The following RPRD1A variants were observed in gnomAD, a reference collection of about 807,000 sequenced individuals.
RPRD1A encodes the protein regulation of nuclear pre-mRNA domain containing 1A, also known as regulation of nuclear pre-mRNA domain-containing protein 1A.
RPRD1A carries 9 observed loss-of-function variants against 37.8 expected under a neutral mutation model. That is an observed-to-expected ratio of 0.24 (90% CI 0.14 to 0.42). The LOEUF (loss-of-function observed/expected upper bound fraction) is 0.42. Among genes scored for constraint, RPRD1A ranks in the 10% least tolerant of loss-of-function variants. The pLI, the probability that RPRD1A is intolerant of heterozygous loss-of-function variation, is 1.00. For synonymous variants in RPRD1A, 138 were observed against 139.7 expected, an observed-to-expected ratio of 0.99 and a Z score of 0.08; for missense variants, 255 against 371.0, an observed-to-expected ratio of 0.69 and a Z score of 2.57.
intron 1 of RPRD1A, among the ~76,000 whole-genome samples, chr18:36,047,977 G>A (rs1306527829): frequency 6.6e-6 from 1 of 151,438 alleles, no homozygotes; most frequent in Non-Finnish European, 1.5e-5. Flanking sequence ...TTAGTGCTAT[G>A]GTACTCTGAT....
At chr18:36,042,808 C>T (rs1425647299) in intron 1 of RPRD1A, among the ~76,000 whole-genome samples, 1 of 152,168 alleles carries the variant, frequency 6.6e-6, no homozygotes, top group Non-Finnish European at 1.5e-5. Flanking sequence ...GGTGAGATGA[C>T]CAAATTTAGA....
At chr18:36,043,838 T>G (rs199694410) in intron 1 of RPRD1A, among the ~76,000 whole-genome samples, 1 of 152,180 alleles carries the variant, frequency 6.6e-6, no homozygotes, top group African/African-American at 2.4e-5. Context: ...TAAAGTACAG[T>G]TGACCCTTCA....
chr18:36,020,012 C>A (rs540376550), intron 6 of RPRD1A, among the ~76,000 whole-genome samples: 2 of 152,158 alleles, frequency 1.3e-5, no homozygotes, highest in South Asian at 2.1e-4. Flanking sequence ...TGCAGTCCAG[C>A]CTGGGTGAGA....
intron 2 of RPRD1A, 45 bp downstream of exon 2, chr18:36,033,663 G>A: frequency 6.6e-7 from 1 of 1,516,922 alleles, no homozygotes; most frequent in Non-Finnish European, 8.9e-7. Flanking sequence ...AGGACATATG[G>A]TACATTTAAA....
intron 6 of RPRD1A, chr18:36,025,708 A>G: frequency 1.7e-6 from 2 of 1,209,160 alleles, no homozygotes; most frequent in Non-Finnish European, 2.2e-6. Flanking sequence ...GAAGTTAAAG[A>G]AACCATACTA....
intron 1 of RPRD1A, among the ~76,000 whole-genome samples, chr18:36,062,776 AGGGTTGGGAGAGAT>A (rs2088942521): frequency 6.6e-6 from 1 of 152,328 alleles, no homozygotes; most frequent in South Asian, 2.1e-4. Context: ...GCAGTTGCCT[AGGGTTGGGAGAGAT>A]GGGGGACTGG....
chr18:35,993,461 T>C (rs1277710551), intron 6 of RPRD1A, among the ~76,000 whole-genome samples, 161 bp from the exon 7 acceptor site: 4 of 152,222 alleles, frequency 2.6e-5, no homozygotes, highest in Non-Finnish European at 5.9e-5. Context: ...GCTTTGGAAA[T>C]ATATAACTAG....
intron 6 of RPRD1A, 103 bp downstream of exon 6, chr18:36,026,795 CTA>C: frequency 1.0e-6 from 1 of 1,003,060 alleles, no homozygotes; most frequent in Non-Finnish European, 1.4e-6. Flanking sequence ...TTAAAAAGGT[CTA>C]TGTTAAAAAA....
At chr18:36,036,680 T>C (rs1197166186) in intron 1 of RPRD1A, among the ~76,000 whole-genome samples, 1 of 152,164 alleles carries the variant, frequency 6.6e-6, no homozygotes, top group Admixed American at 6.5e-5. Context: ...TCCCTATACA[T>C]ACAGCAAATA....
intron 6 of RPRD1A, among the ~76,000 whole-genome samples, chr18:36,007,030 CTTT>C (rs966201231): frequency 1.3e-5 from 2 of 152,018 alleles, no homozygotes; most frequent in African/African-American, 2.4e-5. Context: ...TTTCTTCTGT[CTTT>C]TTTTTCTTTT....
chr18:36,018,199 T>G (rs1428020214), intron 6 of RPRD1A, among the ~76,000 whole-genome samples: 2 of 105,210 alleles, frequency 1.9e-5, no homozygotes, highest in African/African-American at 3.9e-5. Flanking sequence ...TTTTTATTTA[T>G]TAAAGTATCA....
intron 6 of RPRD1A, among the ~76,000 whole-genome samples, chr18:35,993,850 G>A (rs2144130938): frequency 6.6e-6 from 1 of 152,298 alleles, no homozygotes; most frequent in South Asian, 2.1e-4. Context: ...ACTACCTGGT[G>A]CTGAAGCTAA....
At chr18:36,023,016 CTGA>C (rs1304912336) in intron 6 of RPRD1A, among the ~76,000 whole-genome samples, 1 of 152,158 alleles carries the variant, frequency 6.6e-6, no homozygotes, top group African/African-American at 2.4e-5. Flanking sequence ...CCCAAGAGCT[CTGA>C]TGAAGATGTA....
At chr18:36,033,931 T>C in intron 1 of RPRD1A, 94 bp from the exon 2 acceptor site, 1 of 963,144 alleles carries the variant, frequency 1.0e-6, no homozygotes, top group Non-Finnish European at 1.5e-6. Flanking sequence ...AGAACTAAAA[T>C]AACCCTACTA....
At chr18:36,027,552 G>A (rs1911460201) in intron 4 of RPRD1A, 2 of 381,194 alleles carry the variant, frequency 5.2e-6, no homozygotes, top group Non-Finnish European at 4.7e-6. Context: ...CTCCAGTGGT[G>A]GAGACAGAGT....
chr18:36,056,374 A>G (rs1406525960), intron 1 of RPRD1A, among the ~76,000 whole-genome samples: 1 of 151,266 alleles, frequency 6.6e-6, no homozygotes, highest in Non-Finnish European at 1.5e-5. Flanking sequence ...TGCAACCTCC[A>G]CCTCCCAGGT....
At chr18:36,026,340 C>A (rs553978387) in intron 6 of RPRD1A, 6 of 152,396 alleles carry the variant, frequency 3.9e-5, no homozygotes, top group South Asian at 2.1e-4. Flanking sequence ...AAAGGAAATA[C>A]GAGCATTTTT....
At chr18:36,043,948 C>T (rs1200192769) in intron 1 of RPRD1A, among the ~76,000 whole-genome samples, 2 of 152,118 alleles carry the variant, frequency 1.3e-5, no homozygotes, top group African/African-American at 2.4e-5. Flanking sequence ...TATCACTGAG[C>T]AGAAACTTTA....
At chr18:36,046,162 G>A (rs559546508) in intron 1 of RPRD1A, among the ~76,000 whole-genome samples, 108 of 152,002 alleles carry the variant, frequency 7.1e-4, no homozygotes, top group Non-Finnish European at 1.4e-3. Flanking sequence ...AAACACCATC[G>A]AAAAAATCTT....
Sources: allele counts gnomAD v4.1 joint callset (sites outside exome capture counted in the v4.1 genomes callset), GRCh38; gene constraint gnomAD v4.1.1; transcripts MANE v1.5; gene names NCBI Gene and HGNC (gene_info 2026-07-23, HGNC 2026-07-21).